ATP6V1B1: variants seen among roughly 807,000 people sequenced by gnomAD.
ATP6V1B1 encodes the protein V-type proton ATPase subunit B, kidney isoform.
In ATP6V1B1, 41 loss-of-function variants were observed where a neutral mutation model predicts 62.1. That is an observed-to-expected ratio of 0.66 (90% CI 0.51 to 0.86). ATP6V1B1 has a LOEUF of 0.86. Ranked by LOEUF, ATP6V1B1 falls within the 40% of genes least tolerant of loss-of-function variation. ATP6V1B1 has a pLI of 0.00. For missense variants in ATP6V1B1, 651 were observed against 697.5 expected, an observed-to-expected ratio of 0.93 and a Z score of 0.75; for synonymous variants, 253 against 273.4, an observed-to-expected ratio of 0.93 and a Z score of 0.74.
At chr2:70,957,802 G>A (rs1314003154) in intron 2 of ATP6V1B1, 2 of 539,474 alleles carry the variant, frequency 3.7e-6, no homozygotes, top group South Asian at 2.0e-5. Flanking sequence ...ACTTCCACAA[G>A]GTCAGGCAGC....
Position 70,964,444 on chromosome 2 carries a change from C to G in ATP6V1B1, c.1150C>G (p.Pro384Ala). The G allele has an allele frequency of 6.2e-7, 1 of 1,613,868 alleles. No homozygotes were observed. Among genetic ancestry groups the G allele is most frequent in the Non-Finnish European group, 8.5e-7 (1 of 1,179,966 alleles). The change falls in exon 12 of 14, where the codon CCC (proline) becomes GCC (alanine). Residue 384 changes from proline (P) to alanine (A), a missense_variant. Pro to Ala is a conservative substitution (Grantham distance 27, BLOSUM62 -1). Transcript: ENST00000234396. ...DRQLHNRQIY[P>A]PINVLPSLSR... ...CCTTTTTCTTCTCCCTCAGATCTAC[C>G]CCCCCATCAACGTGCTCCCTTCCCT...
chr2:70,946,453 C>A (rs983484201), intron 2 of ATP6V1B1, among the ~76,000 whole-genome samples: 1 of 152,206 alleles, frequency 6.6e-6, no homozygotes, highest in African/African-American at 2.4e-5. Flanking sequence ...AATACAAATT[C>A]TTGGGCTCCA....
At chr2:70,958,279 C>G in intron 3 of ATP6V1B1, 54 bp from the exon 4 acceptor site, 1 of 1,591,134 alleles carries the variant, frequency 6.3e-7, no homozygotes, top group Non-Finnish European at 8.6e-7. Flanking sequence ...GAATGGGTAG[C>G]CCCATTCCCT....
At chr2:70,943,401 C>T (rs1249630063) in intron 1 of ATP6V1B1, 16 of 625,934 alleles carry the variant, frequency 2.6e-5, no homozygotes, top group South Asian at 3.5e-5. Context: ...GTGGTGGGGG[C>T]GGACTCTGAG....
At chr2:70,944,202 G>A in intron 2 of ATP6V1B1, 1 of 1,289,690 alleles carries the variant, frequency 7.8e-7, no homozygotes, top group Non-Finnish European at 1.0e-6. Flanking sequence ...AAGGCCTTTG[G>A]AATATCTCAG....
rs1553419735 is a variant in ATP6V1B1 at position 70,959,919 on chromosome 2, C to T, written c.446-20C>T. The T allele has an allele frequency of 6.2e-7, 1 of 1,614,012 alleles. No homozygotes were observed. On this transcript the variant is annotated intron_variant, in intron 5 of 13. Coordinates refer to ENST00000234396, the MANE Select transcript of ATP6V1B1 (RefSeq NM_001692.4). This position sits in a 1 kb window ranked among gnomAD's most constrained non-coding sequence, Gnocchi z 4.2. ...AGGGTTTGAACCCCTGAGCATGGCTCTGTGATCGCCCTCTCCCAGGCCAGC... is the reference window on the plus strand; with the variant it reads ...AGGGTTTGAACCCCTGAGCATGGCTTTGTGATCGCCCTCTCCCAGGCCAGC...
chr2:70,963,699 AC>A lies in ATP6V1B1; in HGVS notation c.1143+46del. The A allele has an allele frequency of 6.3e-7, 1 of 1,587,938 alleles. No individual in the cohort carries two copies. The highest frequency in any genetic ancestry group is 1.1e-5 in the South Asian group (1 of 90,376). On this transcript the variant is annotated intron_variant, in intron 11 of 13. Coordinates refer to ENST00000234396, the MANE Select transcript of ATP6V1B1 (RefSeq NM_001692.4). This position sits in a 1 kb window ranked among gnomAD's most constrained non-coding sequence, Gnocchi z 4.3. ...CACTTCCTGCTCTCAGCCCAGAGAA[AC>A]ACTGAGGAACAGATGTTTCACTGCC...
chr2:70,938,861 G>A, intron 1 of ATP6V1B1: 5 of 923,310 alleles, frequency 5.4e-6, no homozygotes, highest in African/African-American at 3.6e-5. Context: ...GAGGGATGAA[G>A]CCAGGTCAGA....
chr2:70,941,846 G>A, intron 1 of ATP6V1B1: 6 of 986,014 alleles, frequency 6.1e-6, no homozygotes, highest in Non-Finnish European at 7.2e-6. Context: ...GAGGCTGACA[G>A]GCGGCCCCAG....
At chr2:70,952,771 T>C (rs1680349960) in intron 2 of ATP6V1B1, among the ~76,000 whole-genome samples, 1 of 152,042 alleles carries the variant, frequency 6.6e-6, no homozygotes, top group Non-Finnish European at 1.5e-5. Context: ...CTATCTTTAA[T>C]GTATTTGGGA....
At chr2:70,958,016 T>G in intron 2 of ATP6V1B1, 30 bp from the exon 3 acceptor site, 1 of 1,601,088 alleles carries the variant, frequency 6.2e-7, no homozygotes, top group South Asian at 1.1e-5. Context: ...CCAGTCTCAC[T>G]GTCACGTGGC....
chr2:70,950,756 T>C (rs1680304167), intron 2 of ATP6V1B1, among the ~76,000 whole-genome samples: 1 of 152,148 alleles, frequency 6.6e-6, no homozygotes, highest in Non-Finnish European at 1.5e-5. Flanking sequence ...TATGTCTCTT[T>C]TTCCGTCAGT....
intron 9 of ATP6V1B1, 39 bp downstream of exon 9, chr2:70,962,939 C>T: frequency 6.2e-7 from 1 of 1,612,730 alleles, no homozygotes. Flanking sequence ...TCCTCCCTAC[C>T]CCTCCCTAAG....
intron 2 of ATP6V1B1, among the ~76,000 whole-genome samples, chr2:70,945,715 T>TATA (rs1230825285): frequency 8.3e-6 from 1 of 120,816 alleles, no homozygotes; most frequent in Non-Finnish European, 1.6e-5. Flanking sequence ...TATATATATA[T>TATA]ATATATATAT....
At chr2:70,941,305 C>T in intron 1 of ATP6V1B1, 2 of 985,590 alleles carry the variant, frequency 2.0e-6, no homozygotes, top group Non-Finnish European at 2.4e-6. Flanking sequence ...GTCTTGCCCT[C>T]CTGGAGGTGA....
rs2104825636 is a variant in ATP6V1B1, at chr2:70,958,410, G to A, written c.351G>A (p.Val117=). 6 of 1,611,120 alleles carry A rather than the reference G, an allele frequency of 3.7e-6. No individual in the cohort carries two copies. The highest frequency in any genetic ancestry group is 2.7e-5 in the African/African-American group (2 of 74,920). ...EFTGDILRTP[V]SEDMLGRVFN... ...CAGGGGACATCCTACGAACTCCGGT[G>A]TCAGAGGACATGCTGGGTGAGGGAC... Residue 117 remains valine, a synonymous_variant, in exon 4 of 14, where the codon GTG becomes GTA. Coordinates refer to ENST00000234396, the MANE Select transcript of ATP6V1B1 (RefSeq NM_001692.4).
intron 2 of ATP6V1B1, chr2:70,955,770 T>C (rs10210235): frequency 0.53 from 80,385 of 152,150 alleles, 21,435 homozygotes; most frequent in Non-Finnish European, 0.53. Context: ...AAAACAAATC[T>C]GCTTTGCAGT....
intron 2 of ATP6V1B1, chr2:70,944,178 CT>C (rs1340055383): frequency 1.6e-6 from 2 of 1,287,786 alleles, no homozygotes; most frequent in Non-Finnish European, 2.0e-6. Flanking sequence ...TTCTAGGGAT[CT>C]TGATGGCCTC....
chr2:70,944,304 T>C, intron 2 of ATP6V1B1: 1 of 1,103,504 alleles, frequency 9.1e-7, no homozygotes, highest in Non-Finnish European at 1.2e-6. Context: ...TGGCAGACAC[T>C]GACAGTATCT....
Sources: gnomAD v4.1 joint callset for allele counts (sites outside exome capture counted in the v4.1 genomes callset) on GRCh38, gnomAD v4.1.1 for gene constraint, Gnocchi (gnomAD v3.1) non-coding constraint, MANE v1.5 for transcripts, NCBI Gene and HGNC (gene_info 2026-07-23, HGNC 2026-07-21) for gene names.